Variants in PRIM2 observed in about 807,000 individuals in gnomAD.
PRIM2 encodes DNA primase large subunit.
A neutral mutation model predicts 67.3 loss-of-function variants in PRIM2; 39 were observed. The ratio of observed to expected loss-of-function variants is 0.58; its 90% CI spans 0.45 to 0.76. The LOEUF (loss-of-function observed/expected upper bound fraction) is 0.76. PRIM2 is among the 30% of genes least tolerant of loss of function. PRIM2 has a pLI of 0.00. For missense variants in PRIM2, 398 were observed against 598.7 expected, an observed-to-expected ratio of 0.66 and a Z score of 3.50; for synonymous variants, 143 against 198.7, an observed-to-expected ratio of 0.72 and a Z score of 2.36.
intron 7 of PRIM2, among the ~76,000 whole-genome samples, chr6:57,503,649 T>C (rs1266977905): frequency 6.6e-6 from 1 of 151,968 alleles, no homozygotes; most frequent in Admixed American, 6.6e-5. Context: ...CTCAGGAGGC[T>C]GAGGCAGGAG....
the PRIM2 span, among the ~76,000 whole-genome samples, chr6:57,238,978 C>A: frequency 1.3e-5 from 2 of 151,842 alleles, no homozygotes; most frequent in African/African-American, 2.4e-5. Flanking sequence ...CCCTGTTTTT[C>A]TTTTTTCTTT....
At chr6:57,330,356 T>TG (rs1359335616) in intron 5 of PRIM2, among the ~76,000 whole-genome samples, 5 of 118,720 alleles carry the variant, frequency 4.2e-5, no homozygotes, top group African/African-American at 1.9e-4. Context: ...TTGTTTTTTT[T>TG]TTTTGTTTTT....
intron 10 of PRIM2, among the ~76,000 whole-genome samples, chr6:57,593,533 C>T (rs1329801475): frequency 1.2e-4 from 19 of 152,190 alleles, no homozygotes; most frequent in African/African-American, 4.1e-4. Flanking sequence ...GAACTCCTGA[C>T]CTCAAGTGAT....
Position 57,639,505 on chromosome 6 carries a change from C to T in PRIM2, c.1300-6423C>T, listed in dbSNP as rs1189085578. Among the ~76,000 whole-genome samples the T allele has an allele frequency of 2.8e-3, 430 of 151,578 alleles. 1 individual carries two copies. The highest frequency in any genetic ancestry group is 5.7e-3 in the Admixed American group (87 of 15,236). Reference sequence around the variant, plus strand: ...ATCAACAAAATTGATAGACTGCTAGCAAGACTAACAAAGAAGAAAAGAGAG... The same window carrying T: ...ATCAACAAAATTGATAGACTGCTAGTAAGACTAACAAAGAAGAAAAGAGAG... On this transcript the variant is annotated intron_variant, in intron 13 of 13. Transcript: ENST00000615550.
intron 7 of PRIM2, among the ~76,000 whole-genome samples, chr6:57,478,992 C>G (rs1277339198): frequency 3.3e-5 from 5 of 152,038 alleles, no homozygotes; most frequent in Non-Finnish European, 7.4e-5. Context: ...ATTAAAAATA[C>G]AAAATTAGCC....
At chr6:57,327,679 A>T (rs1767912496) in intron 5 of PRIM2, among the ~76,000 whole-genome samples, 1 of 152,192 alleles carries the variant, frequency 6.6e-6, no homozygotes, top group South Asian at 2.1e-4. Flanking sequence ...TGCAATTATC[A>T]ATTACAGTTA....
intron 5 of PRIM2, among the ~76,000 whole-genome samples, chr6:57,369,724 T>TA (rs1769480663): frequency 6.6e-6 from 1 of 152,230 alleles, no homozygotes; most frequent in Non-Finnish European, 1.5e-5. Context: ...ACCTTGATTA[T>TA]AAGATGTTGC....
intron 7 of PRIM2, among the ~76,000 whole-genome samples, chr6:57,417,192 CCTG>C (rs1210407250): frequency 6.6e-6 from 1 of 152,148 alleles, no homozygotes; most frequent in African/African-American, 2.4e-5. Context: ...GCCTCGAACT[CCTG>C]ACCTCAGGTG....
chr6:57,614,631 A>G (rs1158393199), intron 12 of PRIM2, among the ~76,000 whole-genome samples: 1 of 152,166 alleles, frequency 6.6e-6, no homozygotes, highest in Non-Finnish European at 1.5e-5. Context: ...CGGGCAGATC[A>G]CAAGGTCAGG....
intron 12 of PRIM2, among the ~76,000 whole-genome samples, chr6:57,616,141 G>A (rs1582021952): frequency 6.6e-6 from 1 of 152,296 alleles, no homozygotes; most frequent in East Asian, 1.9e-4. Flanking sequence ...GTAATGAGGG[G>A]TGTGCTTGAT....
At chr6:57,345,811 T>C (rs1362118793) in intron 5 of PRIM2, among the ~76,000 whole-genome samples, 5 of 152,340 alleles carry the variant, frequency 3.3e-5, no homozygotes, top group South Asian at 4.1e-4. Flanking sequence ...TTCTTGATCA[T>C]ATGCTAAACA....
chr6:57,256,665 TG>T, the PRIM2 span, among the ~76,000 whole-genome samples: 1 of 110,402 alleles, frequency 9.1e-6, no homozygotes, highest in South Asian at 2.9e-4. Flanking sequence ...CACACACACA[TG>T]CCATGCAGGC....
At chr6:57,457,646 T>G (rs71221654) in intron 7 of PRIM2, among the ~76,000 whole-genome samples, 70,929 of 151,972 alleles carry the variant, frequency 0.47, 18,224 homozygotes, top group South Asian at 0.62. Flanking sequence ...AAGTGCAGTA[T>G]TGGGGTGGGA....
intron 7 of PRIM2, among the ~76,000 whole-genome samples, chr6:57,404,597 A>G (rs1415256380): frequency 4.5e-4 from 68 of 152,312 alleles, no homozygotes; most frequent in African/African-American, 4.1e-4. Flanking sequence ...CCCAATTGCA[A>G]ATGTTTATGA....
the PRIM2 span, among the ~76,000 whole-genome samples, chr6:57,239,694 C>T: frequency 6.6e-6 from 1 of 152,106 alleles, no homozygotes; most frequent in African/African-American, 2.4e-5. Flanking sequence ...TGCATTGAGC[C>T]AAGATTGCGC....
chr6:57,510,638 TTTA>T (rs1308735790), intron 8 of PRIM2, among the ~76,000 whole-genome samples: 1 of 151,842 alleles, frequency 6.6e-6, no homozygotes, highest in African/African-American at 2.4e-5. Context: ...CTGCTGTTGC[TTTA>T]TTATTATTAT....
chr6:57,458,359 A>C (rs1235627541), intron 7 of PRIM2, among the ~76,000 whole-genome samples: 1 of 152,232 alleles, frequency 6.6e-6, no homozygotes, highest in East Asian at 1.9e-4. Flanking sequence ...GAGATAAGGA[A>C]GTATAATTCT....
intron 7 of PRIM2, among the ~76,000 whole-genome samples, chr6:57,403,558 G>T (rs1770787576): frequency 6.6e-6 from 1 of 151,934 alleles, no homozygotes; most frequent in African/African-American, 2.4e-5. Context: ...CACCGCGCCT[G>T]GCCCATGTGA....
At chr6:57,303,299 A>G in the PRIM2 span, among the ~76,000 whole-genome samples, 5 of 152,106 alleles carry the variant, frequency 3.3e-5, no homozygotes, top group East Asian at 5.8e-4. Flanking sequence ...ACTTTTTTAC[A>G]TGATTTTTTT....
Sources: allele counts gnomAD v4.1 joint callset (sites outside exome capture counted in the v4.1 genomes callset), GRCh38; gene constraint gnomAD v4.1.1; transcripts MANE v1.5; gene names NCBI Gene and HGNC (gene_info 2026-07-23, HGNC 2026-07-21).